RARB: variants seen among roughly 807,000 people sequenced by gnomAD.
RARB encodes retinoic acid receptor beta.
In RARB, 17 loss-of-function variants were observed where a neutral mutation model predicts 51.9. The observed-to-expected ratio is 0.33, with a 90% confidence interval of 0.22 to 0.49. RARB has a LOEUF of 0.49. RARB is among the 20% of genes least tolerant of loss of function. RARB has a pLI of 0.99. For synonymous variants in RARB, 215 were observed against 195.4 expected, an observed-to-expected ratio of 1.10 and a Z score of -0.84; for missense variants, 369 against 550.8, an observed-to-expected ratio of 0.67 and a Z score of 3.30.
At chr3:25,489,571 C>T (rs780320276) in intron 2 of RARB, among the ~76,000 whole-genome samples, 27 of 152,290 alleles carry the variant, frequency 1.8e-4, no homozygotes, top group Non-Finnish European at 2.5e-4. Context: ...CAAAGGACTC[C>T]GGTTTCAAAG....
At chr3:25,044,984 G>A (rs573317544) in intron 2 of RARB, among the ~76,000 whole-genome samples, 1 of 152,236 alleles carries the variant, frequency 6.6e-6, no homozygotes, top group South Asian at 2.1e-4. Context: ...AGTCCTCCCG[G>A]CATTTTTTTG....
intron 5 of RARB, among the ~76,000 whole-genome samples, chr3:25,219,619 C>T (rs1701903156): frequency 6.6e-6 from 1 of 152,076 alleles, no homozygotes; most frequent in Non-Finnish European, 1.5e-5. Flanking sequence ...CGCATGCTGC[C>T]CTCCCCACCA....
At chr3:24,957,561 A>G (rs1696043544) in intron 2 of RARB, among the ~76,000 whole-genome samples, 1 of 152,222 alleles carries the variant, frequency 6.6e-6, no homozygotes, top group Non-Finnish European at 1.5e-5. Context: ...GTTCTCAGTA[A>G]AGCTATGATT....
At chr3:25,287,547 A>G (rs948244384) in intron 5 of RARB, among the ~76,000 whole-genome samples, 20 of 152,220 alleles carry the variant, frequency 1.3e-4, no homozygotes, top group Admixed American at 4.6e-4. Context: ...ACACACAGAC[A>G]GACACTCTCG....
intron 2 of RARB, among the ~76,000 whole-genome samples, chr3:25,477,619 T>A (rs531277618): frequency 6.6e-6 from 1 of 152,312 alleles, no homozygotes; most frequent in South Asian, 2.1e-4. Context: ...TTATAACAGC[T>A]CTATTATGTA....
At chr3:25,347,251 G>C (rs937351916) in intron 5 of RARB, among the ~76,000 whole-genome samples, 1 of 152,192 alleles carries the variant, frequency 6.6e-6, no homozygotes, top group African/African-American at 2.4e-5. Context: ...AGGTGTAAGG[G>C]AGTTCTGAAA....
At chr3:24,858,969 G>A (rs1702684962) in intron 2 of RARB, among the ~76,000 whole-genome samples, 1 of 150,030 alleles carries the variant, frequency 6.7e-6, no homozygotes, top group African/African-American at 2.5e-5. Flanking sequence ...CTGGGGAGGT[G>A]GAGGTTGCGG....
intron 2 of RARB, among the ~76,000 whole-genome samples, chr3:25,488,715 A>T (rs1696587256): frequency 6.6e-6 from 1 of 152,254 alleles, no homozygotes; most frequent in Non-Finnish European, 1.5e-5. Flanking sequence ...GAAATAGAAG[A>T]AGAACAGTAC....
At chr3:25,110,559 C>T (rs1395069636) in intron 3 of RARB, among the ~76,000 whole-genome samples, 6 of 152,156 alleles carry the variant, frequency 3.9e-5, no homozygotes, top group East Asian at 3.9e-4. Flanking sequence ...AACAAGGAAA[C>T]GAAGTGCCAG....
At position 24,923,349 on chromosome 3, in the gene RARB, T is replaced by C. The variant is rs554047172; in HGVS notation, c.-380+64597T>C. ...TTTAAGATACTCATTGTGAATTAAT[T>C]TGGGATTTGGCATAATAACATTAAT... On this transcript the variant is annotated intron_variant, in intron 2 of 11. Transcript: ENST00000383772. Among the ~76,000 whole-genome samples, 3 of 152,296 alleles carry C rather than the reference T, an allele frequency of 2.0e-5. No individual in the cohort carries two copies. The East Asian group carries it at 5.8e-4, about 29-fold the overall frequency.
chr3:25,490,564 C>T (rs1282864673), intron 2 of RARB, among the ~76,000 whole-genome samples: 1 of 152,178 alleles, frequency 6.6e-6, no homozygotes, highest in African/African-American at 2.4e-5. Flanking sequence ...TCTCCTTCTG[C>T]TTACCTTTTT....
At chr3:25,230,281 T>G (rs1390021360) in intron 5 of RARB, among the ~76,000 whole-genome samples, 1 of 152,108 alleles carries the variant, frequency 6.6e-6, no homozygotes, top group Non-Finnish European at 1.5e-5. Flanking sequence ...GTCACACGCC[T>G]TTTTACACAC....
At chr3:25,488,393 G>A (rs965410613) in intron 2 of RARB, among the ~76,000 whole-genome samples, 3 of 152,224 alleles carry the variant, frequency 2.0e-5, no homozygotes, top group African/African-American at 7.2e-5. Flanking sequence ...AGGAGAGACT[G>A]AAGTGCTTTT....
intron 2 of RARB, among the ~76,000 whole-genome samples, chr3:25,014,474 C>T (rs1697466379): frequency 6.6e-6 from 1 of 152,076 alleles, no homozygotes; most frequent in Admixed American, 6.6e-5. Flanking sequence ...GATGGGTTTT[C>T]TCAAATGACT....
In RARB at chr3:25,044,001, C is replaced by T. The variant is rs537796115; in HGVS notation, c.-379-16124C>T. ...AGTCCTCCTGACTGGTGGATTGAGG[C>T]TCTGCAGACCTCTCAGGTTTTCCCA... is the stretch of plus-strand genomic sequence containing the variant. On this transcript the variant is annotated intron_variant, in intron 2 of 11. Coordinates refer to the RARB transcript ENST00000383772. Among the ~76,000 whole-genome samples the T allele has an allele frequency of 5.3e-5, 8 of 151,454 alleles. No individual in the cohort carries two copies. In the South Asian group the frequency reaches 1.7e-3, roughly 32 times the overall value.
intron 5 of RARB, among the ~76,000 whole-genome samples, chr3:25,305,745 C>T (rs1704139191): frequency 1.3e-5 from 2 of 151,936 alleles, no homozygotes; most frequent in South Asian, 4.1e-4. Flanking sequence ...GCTTGGGCCT[C>T]AACAAAAATT....
At chr3:25,312,102 A>G (rs1023122558) in intron 5 of RARB, among the ~76,000 whole-genome samples, 1 of 152,230 alleles carries the variant, frequency 6.6e-6, no homozygotes, top group Admixed American at 6.5e-5. Flanking sequence ...TAATGAACTT[A>G]TTGACTACAA....
intron 3 of RARB, among the ~76,000 whole-genome samples, chr3:25,558,492 T>C (rs531021076): frequency 6.6e-6 from 1 of 150,754 alleles, no homozygotes; most frequent in South Asian, 2.1e-4. Context: ...CCCTTTCCCA[T>C]CAACTACTAG....
rs538893181 is a variant in RARB, at chr3:25,388,535, T to C, written c.179-72658T>C. 5.9e-5 allele frequency among the ~76,000 whole-genome samples: 9 copies of C among 152,354 alleles called. No homozygotes were observed. In the East Asian group the frequency reaches 1.3e-3, roughly 23 times the overall value. Reference sequence around the variant, plus strand: ...TGATAAGTGTACCATCAGAATTTATTTGAAAAACTGTTTTCAACATGAAAC... The same window carrying C: ...TGATAAGTGTACCATCAGAATTTATCTGAAAAACTGTTTTCAACATGAAAC... On this transcript the variant is annotated intron_variant, in intron 5 of 11. Transcript: ENST00000383772.
Sources: allele counts gnomAD v4.1 joint callset (sites outside exome capture counted in the v4.1 genomes callset), GRCh38; gene constraint gnomAD v4.1.1; transcripts MANE v1.5; gene names NCBI Gene and HGNC (gene_info 2026-07-23, HGNC 2026-07-21).